Variants in SLC24A2 observed in about 807,000 individuals in gnomAD.
SLC24A2 encodes sodium/potassium/calcium exchanger 2.
SLC24A2 carries 36 observed loss-of-function variants against 62.0 expected under a neutral mutation model. The ratio of observed to expected loss-of-function variants is 0.58; its 90% confidence interval spans 0.44 to 0.77. The LOEUF (loss-of-function observed/expected upper bound fraction) is 0.77, where lower values mean the gene tolerates loss of function less well. Among genes scored for constraint, SLC24A2 ranks in the 30% least tolerant of loss-of-function variants. The probability of loss-of-function intolerance (pLI) is 0.00; values close to 1 mark genes in which losing one functional copy is unlikely to be tolerated. For synonymous variants in SLC24A2, 358 were observed against 294.0 expected, an observed-to-expected ratio of 1.22 and a Z score of -2.23; for missense variants, 846 against 817.9, an observed-to-expected ratio of 1.03 and a Z score of -0.42.
intron 2 of SLC24A2, among the ~76,000 whole-genome samples, chr9:19,642,130 G>A (rs1818515264): frequency 6.6e-6 from 1 of 152,088 alleles, no homozygotes; most frequent in Non-Finnish European, 1.5e-5. Context: ...TTGGGGAGGT[G>A]AAAGCTGCAG....
At chr9:19,565,913 T>C (rs950738084) in intron 7 of SLC24A2, among the ~76,000 whole-genome samples, 27 of 150,192 alleles carry the variant, frequency 1.8e-4, no homozygotes, top group Admixed American at 3.3e-4. Context: ...GCTCGCTATA[T>C]ATAGAAAGCT....
intron 2 of SLC24A2, among the ~76,000 whole-genome samples, chr9:19,698,095 T>C (rs1408825503): frequency 6.6e-6 from 1 of 152,170 alleles, no homozygotes; most frequent in East Asian, 1.9e-4. Flanking sequence ...TAGCAAGTGC[T>C]TCTAAGGTGG....
At chr9:19,888,045 G>A in the SLC24A2 span, among the ~76,000 whole-genome samples, 1 of 152,148 alleles carries the variant, frequency 6.6e-6, no homozygotes, top group African/African-American at 2.4e-5. Flanking sequence ...TCGTTGATGG[G>A]TACACCAAAA....
In SLC24A2 at chr9:19,514,035, T is replaced by C. The variant is rs1164618663; in HGVS notation, c.*2118A>G. ...CATCTGAAGACCCCAATCTGCCGAG[T>C]TGGAGAGACTTGAAAGCCAGCCTCC... On this transcript the variant is annotated 3_prime_UTR_variant, in exon 11 of 11. Coordinates refer to ENST00000341998, the MANE Select transcript of SLC24A2 (RefSeq NM_020344.4). The C allele has an allele frequency of 1.3e-5, 2 of 152,146 alleles. No homozygotes were observed. Among genetic ancestry groups the C allele is most frequent in the African/African-American group, 4.8e-5 (2 of 41,418 alleles). The allele number at this position is 152,146 out of a possible 1,614,324, so 9.4% of individuals were successfully genotyped here. A position where few individuals can be genotyped will look rare whatever the true frequency, so the allele number is the denominator to read the frequency against.
chr9:19,888,428 C>A, the SLC24A2 span, among the ~76,000 whole-genome samples: 1 of 152,262 alleles, frequency 6.6e-6, no homozygotes, highest in African/African-American at 2.4e-5. Flanking sequence ...CACCAAGCAA[C>A]CCATTTTTTT....
the SLC24A2 span, among the ~76,000 whole-genome samples, chr9:19,868,601 C>T: frequency 6.6e-6 from 1 of 152,094 alleles, no homozygotes; most frequent in Non-Finnish European, 1.5e-5. Flanking sequence ...GTCTATTTCT[C>T]TTTTCAGTTC....
the SLC24A2 span, among the ~76,000 whole-genome samples, chr9:19,862,752 T>G: frequency 6.6e-6 from 1 of 152,060 alleles, no homozygotes; most frequent in Admixed American, 6.6e-5. Flanking sequence ...GCAAACGGTG[T>G]TAAGTTGTTA....
At chr9:19,562,859 C>T (rs559065313) in intron 7 of SLC24A2, among the ~76,000 whole-genome samples, 1 of 152,124 alleles carries the variant, frequency 6.6e-6, no homozygotes, top group African/African-American at 2.4e-5. Flanking sequence ...AGTCCCAGCA[C>T]TTTTGGAGCT....
the SLC24A2 span, among the ~76,000 whole-genome samples, chr9:19,891,222 C>T: frequency 2.0e-5 from 3 of 152,158 alleles, no homozygotes; most frequent in East Asian, 1.9e-4. Context: ...CCTGTTCACA[C>T]CAGCCTCTGC....
At chr9:20,116,589 C>T in the SLC24A2 span, among the ~76,000 whole-genome samples, 2 of 152,114 alleles carry the variant, frequency 1.3e-5, no homozygotes, top group Non-Finnish European at 2.9e-5. Flanking sequence ...CTTTTCAATG[C>T]TTCTGTCTTT....
At chr9:20,027,091 G>C in the SLC24A2 span, among the ~76,000 whole-genome samples, 3 of 152,088 alleles carry the variant, frequency 2.0e-5, no homozygotes, top group African/African-American at 7.2e-5. Context: ...AATCATCAGA[G>C]AAATGCAAAT....
intron 2 of SLC24A2, among the ~76,000 whole-genome samples, chr9:19,714,621 A>G (rs1005009919): frequency 5.9e-5 from 9 of 152,104 alleles, no homozygotes; most frequent in African/African-American, 1.9e-4. Flanking sequence ...GAGTCATTTG[A>G]GTATTAAAAA....
chr9:19,576,918 A>G lies in SLC24A2; in HGVS notation c.1228+6T>C. Reference sequence around the variant, plus strand: ...AGGTATGGGGTGGATGTTTCCCTGCACTCACCCACGTGGTTGGCAGCCCCA... The same window carrying G: ...AGGTATGGGGTGGATGTTTCCCTGCGCTCACCCACGTGGTTGGCAGCCCCA... On this transcript the variant is annotated splice_donor_region_variant and intron_variant, in intron 6 of 10. Coordinates refer to ENST00000341998, the MANE Select transcript of SLC24A2 (RefSeq NM_020344.4). 1 of 1,605,990 alleles carries G rather than the reference A, an allele frequency of 6.2e-7. No individual in the cohort carries two copies.
chr9:19,788,830 G>A (rs1181313263), intron 1 of SLC24A2, 55 bp downstream of exon 1: 7 of 985,314 alleles, frequency 7.1e-6, no homozygotes, highest in South Asian at 4.7e-5. Flanking sequence ...CGGGATGCGG[G>A]GACGACCGCC....
chr9:20,139,634 T>C, the SLC24A2 span, among the ~76,000 whole-genome samples: 3 of 152,350 alleles, frequency 2.0e-5, no homozygotes, highest in East Asian at 5.8e-4. Context: ...CTGTGCTGTG[T>C]GCTGGGGTAT....
the SLC24A2 span, among the ~76,000 whole-genome samples, chr9:20,016,947 T>G: frequency 2.0e-5 from 3 of 152,242 alleles, no homozygotes; most frequent in African/African-American, 7.2e-5. Context: ...AAACACTATT[T>G]TAATTAAAAG....
At chr9:19,851,000 T>TAC in the SLC24A2 span, among the ~76,000 whole-genome samples, 4 of 45,144 alleles carry the variant, frequency 8.9e-5, no homozygotes, top group East Asian at 3.6e-4. Context: ...TATATATATA[T>TAC]ACACATACAT....
the SLC24A2 span, among the ~76,000 whole-genome samples, chr9:19,849,152 T>C: frequency 9.2e-5 from 14 of 152,136 alleles, no homozygotes; most frequent in African/African-American, 3.1e-4. Context: ...TAGTGTGCCA[T>C]TGCATCTTTA....
At chr9:20,091,111 T>C in the SLC24A2 span, among the ~76,000 whole-genome samples, 15 of 149,814 alleles carry the variant, frequency 1.0e-4, no homozygotes, top group Admixed American at 4.7e-4. Context: ...ATCTGAGAAA[T>C]TGAAGACTGG....
Sources: gnomAD v4.1 joint callset for allele counts (sites outside exome capture counted in the v4.1 genomes callset) on GRCh38, gnomAD v4.1.1 for gene constraint, MANE v1.5 for transcripts, NCBI Gene and HGNC (gene_info 2026-07-23, HGNC 2026-07-21) for gene names.